The following LRRC4B variants were observed in gnomAD, a reference collection of about 807,000 sequenced individuals.
LRRC4B encodes the protein leucine-rich repeat-containing protein 4B.
A neutral mutation model predicts 7.3 loss-of-function variants in LRRC4B; 1 was observed. That is an observed-to-expected ratio of 0.14 (90% confidence interval 0.05 to 0.65). The LOEUF (loss-of-function observed/expected upper bound fraction) is 0.65. LRRC4B is among the 30% of genes least tolerant of loss of function. The pLI is 0.84. For missense variants in LRRC4B, 730 were observed against 1,041.6 expected, an observed-to-expected ratio of 0.70 and a Z score of 4.12; for synonymous variants, 500 against 499.2, an observed-to-expected ratio of 1.00 and a Z score of -0.02.
intron 1 of LRRC4B, among the ~76,000 whole-genome samples, chr19:50,565,915 G>A (rs966949153): frequency 9.2e-5 from 14 of 152,054 alleles, no homozygotes; most frequent in East Asian, 1.9e-4. Context: ...TGTGTGTTTC[G>A]GAGGCTGGGT....
rs745992979 is a variant in LRRC4B at position 50,563,400 on chromosome 19, C to T, written c.-36+4544G>A. Among the ~76,000 whole-genome samples, 48 of 152,164 alleles carry T rather than the reference C, an allele frequency of 3.2e-4. No homozygotes were observed. The highest frequency in any genetic ancestry group is 5.6e-4 in the Non-Finnish European group (38 of 68,028). On this transcript the variant is annotated intron_variant, in intron 1 of 2. Coordinates refer to ENST00000652263, the MANE Select transcript of LRRC4B (RefSeq NM_001080457.2). This position sits in a 1 kb window ranked among gnomAD's most constrained non-coding sequence, Gnocchi z 4.9. ...CAAACTCAGAGTTAATGAGGTTTCC[C>T]GTACCCCACCAGAGAGGACACAAAG...
intron 2 of LRRC4B, among the ~76,000 whole-genome samples, chr19:50,523,983 A>T (rs1980695314): frequency 6.6e-6 from 1 of 151,862 alleles, no homozygotes; most frequent in Non-Finnish European, 1.5e-5. Context: ...CTGGAAGGAC[A>T]TACTCCAAGC....
intron 1 of LRRC4B, chr19:50,558,047 AACTG>A (rs1313753581): frequency 6.6e-6 from 1 of 152,216 alleles, no homozygotes; most frequent in Admixed American, 6.5e-5. Flanking sequence ...TGAATGTGTT[AACTG>A]ACTGTTTATG....
intron 2 of LRRC4B, among the ~76,000 whole-genome samples, chr19:50,547,539 G>A (rs147260360): frequency 6.6e-6 from 1 of 151,840 alleles, no homozygotes; most frequent in Non-Finnish European, 1.5e-5. Context: ...GGAACAGGAG[G>A]AGGCTTGCTT....
intron 2 of LRRC4B, among the ~76,000 whole-genome samples, chr19:50,538,355 G>A (rs145992688): frequency 0.014 from 2,156 of 152,042 alleles, 63 homozygotes; most frequent in African/African-American, 0.049. Context: ...GAGCCACCGC[G>A]CCCGGCCCTC....
At chr19:50,540,480 C>T (rs1981491053) in intron 2 of LRRC4B, among the ~76,000 whole-genome samples, 2 of 152,048 alleles carry the variant, frequency 1.3e-5, no homozygotes, top group African/African-American at 4.8e-5. Flanking sequence ...CTCCTGCCTC[C>T]TGAGTATCTG....
chr19:50,532,189 T>C (rs1052052434), intron 2 of LRRC4B, among the ~76,000 whole-genome samples: 6 of 152,010 alleles, frequency 3.9e-5, no homozygotes, highest in Non-Finnish European at 7.4e-5. Context: ...TGAGCTGAAA[T>C]TGCACCACTG....
intron 1 of LRRC4B, among the ~76,000 whole-genome samples, chr19:50,564,623 G>A (rs1982567895): frequency 6.6e-6 from 1 of 152,084 alleles, no homozygotes; most frequent in Non-Finnish European, 1.5e-5. Flanking sequence ...CAGTCCCAGG[G>A]AAGATGAGGG....
chr19:50,530,959 G>C (rs1014357967), intron 2 of LRRC4B, among the ~76,000 whole-genome samples: 1 of 151,196 alleles, frequency 6.6e-6, no homozygotes, highest in African/African-American at 2.4e-5. Context: ...TGTTGGTCAG[G>C]CTGGTCTCGA....
At chr19:50,549,233 A>G (rs1981949386) in intron 1 of LRRC4B, among the ~76,000 whole-genome samples, 1 of 152,232 alleles carries the variant, frequency 6.6e-6, no homozygotes, top group Admixed American at 6.5e-5. Flanking sequence ...GACTTCAAAA[A>G]GGTAGATACA....
At chr19:50,522,798 T>C (rs2122779123) in intron 2 of LRRC4B, among the ~76,000 whole-genome samples, 1 of 152,328 alleles carries the variant, frequency 6.6e-6, no homozygotes, top group Non-Finnish European at 1.5e-5. Context: ...AAAGCTTTTA[T>C]TGATCCCACT....
In LRRC4B at chr19:50,563,293, CCT is replaced by C. The variant is rs535173987; in HGVS notation, c.-36+4649_-36+4650del. Among the ~76,000 whole-genome samples, 29 of 152,344 alleles carry C rather than the reference CCT, an allele frequency of 1.9e-4. No homozygotes were observed. In the East Asian group the frequency reaches 3.1e-3, roughly 16 times the overall value. On this transcript the variant is annotated intron_variant, in intron 1 of 2. Transcript: ENST00000652263. This position sits in a 1 kb window ranked among gnomAD's most constrained non-coding sequence, Gnocchi z 4.9. ...CACTCTCCTTACTCTCCTGCCACCC[CCT>C]GTCTGGCGGAGCCAGCCCAGCCTCA...
intron 2 of LRRC4B, among the ~76,000 whole-genome samples, chr19:50,527,692 TTCTC>T (rs1182549476): frequency 1.3e-5 from 2 of 151,672 alleles, no homozygotes; most frequent in Admixed American, 6.6e-5. Flanking sequence ...TCTTTCTCCT[TTCTC>T]TCTGTCTCTT....
chr19:50,522,275 T>G (rs116355133), intron 2 of LRRC4B, among the ~76,000 whole-genome samples: 1 of 152,264 alleles, frequency 6.6e-6, no homozygotes, highest in African/African-American at 2.4e-5. Flanking sequence ...CTAAACATTT[T>G]GTGGGTAATA....
Position 50,556,445 on chromosome 19 carries a change from C to G in LRRC4B, c.-35-7572G>C, listed in dbSNP as rs768121353. ...GAGGGGACTTTGCCCCTGCTGTGCC[C>G]TCGGCCAGCCGGGGGTGCTCTTCCT... is the stretch of plus-strand genomic sequence containing the variant. On this transcript the variant is annotated intron_variant, in intron 1 of 2. Transcript: ENST00000652263. The surrounding 1 kb of genome is among the most constrained non-coding windows in gnomAD (Gnocchi z 4.2). 2.9e-4 allele frequency among the ~76,000 whole-genome samples: 44 copies of G among 152,166 alleles called. No homozygotes were observed. Among genetic ancestry groups the G allele is most frequent in the Non-Finnish European group, 5.9e-4 (40 of 68,014 alleles).
At chr19:50,558,518 G>A (rs1252190801) in intron 1 of LRRC4B, among the ~76,000 whole-genome samples, 2 of 152,130 alleles carry the variant, frequency 1.3e-5, no homozygotes, top group Non-Finnish European at 2.9e-5. Context: ...CGTGAGCCAC[G>A]GCACCCGGCT....
chr19:50,518,487 T>C lies in LRRC4B; in HGVS notation c.1226A>G (p.Tyr409Cys). The change falls in exon 3 of 3, where the codon TAC (tyrosine) becomes TGC (cysteine). Residue 409 changes from tyrosine (Y) to cysteine (C), a missense_variant. Coordinates refer to ENST00000652263, the MANE Select transcript of LRRC4B (RefSeq NM_001080457.2). Reference sequence around the variant, plus strand: ...ATGCAGGACGGAGATGCGCACGCGGTAGGAGCCGTGGGTCATGAGGGTGCC... The same window carrying C: ...ATGCAGGACGGAGATGCGCACGCGGCAGGAGCCGTGGGTCATGAGGGTGCC... ...PNGTLMTHGS[Y>C]RVRISVLHDG... The C allele has an allele frequency of 6.4e-7, 1 of 1,558,190 alleles. No homozygotes were observed. Among genetic ancestry groups the C allele is most frequent in the Non-Finnish European group, 8.7e-7 (1 of 1,151,220 alleles).
chr19:50,520,665 A>G (rs1296606300), intron 2 of LRRC4B, among the ~76,000 whole-genome samples: 1 of 146,816 alleles, frequency 6.8e-6, no homozygotes, highest in Non-Finnish European at 1.5e-5. Flanking sequence ...GGCCAGGCAC[A>G]GTGGCTTATG....
chr19:50,520,020 A>AC (rs1980484664), intron 2 of LRRC4B, among the ~76,000 whole-genome samples: 1 of 151,048 alleles, frequency 6.6e-6, no homozygotes, highest in African/African-American at 2.4e-5. Flanking sequence ...CAGAACATAG[A>AC]CCCCATCTCT....
Sources: gnomAD v4.1 joint callset for allele counts (sites outside exome capture counted in the v4.1 genomes callset) on GRCh38, gnomAD v4.1.1 for gene constraint, Gnocchi (gnomAD v3.1) non-coding constraint, MANE v1.5 for transcripts, NCBI Gene and HGNC (gene_info 2026-07-23, HGNC 2026-07-21) for gene names.